AXDND1: variants seen among roughly 807,000 people sequenced by gnomAD.
AXDND1 encodes the protein axonemal dynein light chain domain containing 1.
Under a neutral mutation model 137.5 loss-of-function variants are expected in AXDND1, and 110 were observed. The observed-to-expected ratio is 0.80, with a 90% CI of 0.69 to 0.94. The LOEUF (loss-of-function observed/expected upper bound fraction) is 0.94, where lower values mean the gene tolerates loss of function less well. AXDND1 is among the 40% of genes least tolerant of loss of function. The pLI is 0.00. For missense variants in AXDND1, 1,191 were observed against 1,169.8 expected, an observed-to-expected ratio of 1.02 and a Z score of -0.26; for synonymous variants, 414 against 399.7, an observed-to-expected ratio of 1.04 and a Z score of -0.43.
intron 20 of AXDND1, among the ~76,000 whole-genome samples, chr1:179,498,012 C>T (rs1667625404): frequency 6.6e-6 from 1 of 151,998 alleles, no homozygotes; most frequent in Admixed American, 6.6e-5. Context: ...TCAGAGATGA[C>T]ACAAATTAAT....
intron 20 of AXDND1, among the ~76,000 whole-genome samples, chr1:179,506,577 C>G (rs1012584183): frequency 1.3e-5 from 2 of 152,036 alleles, no homozygotes; most frequent in African/African-American, 4.8e-5. Context: ...ACTGAAAATT[C>G]AAAAATTAGC....
At chr1:179,423,925 G>A (rs1389189220) in intron 12 of AXDND1, among the ~76,000 whole-genome samples, 1 of 152,052 alleles carries the variant, frequency 6.6e-6, no homozygotes, top group East Asian at 1.9e-4. Context: ...TGTCTGTGTA[G>A]ATCATTTTAC....
intron 16 of AXDND1, among the ~76,000 whole-genome samples, chr1:179,465,423 G>C (rs150934055): frequency 1.3e-5 from 2 of 152,244 alleles, no homozygotes; most frequent in Non-Finnish European, 2.9e-5. Context: ...ACCAGCGGAG[G>C]CTGCAGAACA....
intron 23 of AXDND1, among the ~76,000 whole-genome samples, chr1:179,531,594 G>A (rs1301081808): frequency 6.6e-6 from 1 of 152,124 alleles, no homozygotes; most frequent in African/African-American, 2.4e-5. Context: ...TGCTATTCTA[G>A]TAGGGGACGA....
At chr1:179,368,996 A>G in intron 3 of AXDND1, 24 bp downstream of exon 3, 1 of 1,545,834 alleles carries the variant, frequency 6.5e-7, no homozygotes, top group Non-Finnish European at 8.8e-7. Flanking sequence ...TATGTAGAGT[A>G]ATGGGGAACA....
chr1:179,447,106 A>G (rs61821011), intron 16 of AXDND1, among the ~76,000 whole-genome samples: 48,177 of 151,976 alleles, frequency 0.32, 7,940 homozygotes, highest in African/African-American at 0.37. Flanking sequence ...TACTTCATCT[A>G]CAATGTTGCT....
In AXDND1 at chr1:179,430,353, C is replaced by G. The variant is rs981127920; in HGVS notation, c.1333-99C>G. 4.5e-6 allele frequency: 4 copies of G among 889,050 alleles called. No homozygotes were observed. The African/African-American group carries it at 6.8e-5, about 15-fold the overall frequency. The allele number at this position is 889,050 out of a possible 1,614,324, so 55.1% of individuals were successfully genotyped here. On this transcript the variant is annotated intron_variant, in intron 13 of 25. Coordinates refer to ENST00000367618, the MANE Select transcript of AXDND1 (RefSeq NM_144696.6). ...TTTTTAATCAATTTTCTATGAATTT[C>G]TCTAGTATTACAATATTAATAATGG... is the stretch of plus-strand genomic sequence containing the variant.
chr1:179,430,532 AC>A lies in AXDND1; in HGVS notation c.1414del (p.Gln472LysfsTer10), dbSNP rs761676195. On this transcript the variant is annotated frameshift_variant, in exon 14 of 26. Coordinates refer to ENST00000367618, the MANE Select transcript of AXDND1 (RefSeq NM_144696.6). LOFTEE classifies it high-confidence loss of function. ...TGAATAAACTTAAACAAGAGGTAGAACAAATGGAAGAGTCTACAAGCGAGAC... is the reference window on the plus strand; with the variant it reads ...TGAATAAACTTAAACAAGAGGTAGAAAAATGGAAGAGTCTACAAGCGAGAC... The part of the protein sequence containing the change: ...LVNKLKQEVE[Q>X]MEESTSETLK... The A allele has an allele frequency of 6.2e-7, 1 of 1,614,098 alleles. No homozygotes were observed.
At chr1:179,506,055 C>G (rs944134515) in intron 20 of AXDND1, among the ~76,000 whole-genome samples, 1 of 152,156 alleles carries the variant, frequency 6.6e-6, no homozygotes, top group Non-Finnish European at 1.5e-5. Context: ...ATATCAGAGT[C>G]CTGGCATCCA....
At chr1:179,554,483 T>G (rs1447070878) in intron 25 of AXDND1, 29 bp from the exon 26 acceptor site, 4 of 1,614,050 alleles carry the variant, frequency 2.5e-6, no homozygotes, top group Non-Finnish European at 3.4e-6. Flanking sequence ...CACATTTCTA[T>G]TCTCTCCACT....
chr1:179,489,741 C>CTT (rs140787885), intron 18 of AXDND1, among the ~76,000 whole-genome samples: 32 of 101,258 alleles, frequency 3.2e-4, no homozygotes, highest in Middle Eastern at 6.0e-3. Context: ...TACTACTTTT[C>CTT]TTTTTTTTTT....
At chr1:179,494,814 C>G (rs1667284153) in intron 20 of AXDND1, among the ~76,000 whole-genome samples, 1 of 152,058 alleles carries the variant, frequency 6.6e-6, no homozygotes, top group South Asian at 2.1e-4. Flanking sequence ...CCTATGTTTT[C>G]TTCTAGAAGT....
intron 24 of AXDND1, 95 bp downstream of exon 24, chr1:179,533,972 C>A (rs1671276368): frequency 1.9e-6 from 2 of 1,028,684 alleles, no homozygotes; most frequent in East Asian, 5.0e-5. Context: ...CTTTGGCTCT[C>A]CTGCTTTCTT....
rs370825825 is a variant in AXDND1 at position 179,445,106 on chromosome 1, A to G, written c.1700A>G (p.Glu567Gly). The change falls in exon 16 of 26, where the codon GAG becomes GGG. Residue 567 changes from glutamate (E) to glycine (G), a missense_variant. Glu to Gly is a moderately conservative substitution (Grantham distance 98). Transcript: ENST00000367618. Reference protein sequence around the residue: ...LGIFNRHKSLEGEMPSERQYM... With the variant: ...LGIFNRHKSLGGEMPSERQYM... ...ATATTTAATCGGCATAAAAGTTTGG[A>G]GGGGGAGATGCCATCAGAGCGACAG... The G allele has an allele frequency of 5.6e-6, 9 of 1,613,392 alleles. No homozygotes were observed. Among genetic ancestry groups the G allele is most frequent in the Non-Finnish European group, 7.6e-6 (9 of 1,179,584 alleles).
At chr1:179,457,581 T>G (rs1571915589) in intron 16 of AXDND1, among the ~76,000 whole-genome samples, 2 of 152,222 alleles carry the variant, frequency 1.3e-5, no homozygotes, top group South Asian at 4.1e-4. Context: ...ACATTATTAT[T>G]CGTATTTCAT....
chr1:179,524,696 C>T (rs933496158), intron 21 of AXDND1, among the ~76,000 whole-genome samples: 1 of 152,110 alleles, frequency 6.6e-6, no homozygotes, highest in African/African-American at 2.4e-5. Flanking sequence ...CTCTTAAATC[C>T]TCCTTTTCCT....
At position 179,552,693 on chromosome 1, in the gene AXDND1, A is replaced by C. The variant is rs376637418; in HGVS notation, c.3032-1819A>C. 5.3e-5 allele frequency: 85 copies of C among 1,609,424 alleles called. No homozygotes were observed. Among genetic ancestry groups the C allele is most frequent in the Non-Finnish European group, 6.2e-5 (73 of 1,176,092 alleles). Reference sequence around the variant, plus strand: ...ACCTCACATCTTTACTGAAAAAGAAAGAATGCAGGTATGTAGGTGTGCAGC... The same window carrying C: ...ACCTCACATCTTTACTGAAAAAGAACGAATGCAGGTATGTAGGTGTGCAGC... On this transcript the variant is annotated intron_variant, in intron 25 of 25. Transcript: ENST00000367618.
chr1:179,414,076 T>G (rs1452667634), intron 12 of AXDND1, among the ~76,000 whole-genome samples: 1 of 152,032 alleles, frequency 6.6e-6, no homozygotes, highest in African/African-American at 2.4e-5. Flanking sequence ...ATAAGATAAA[T>G]ATACAATTTT....
rs1375632988 is a variant in AXDND1 at position 179,491,560 on chromosome 1, T to A, written c.2114T>A (p.Met705Lys). The change falls in exon 19 of 26, where the codon ATG becomes AAG. Residue 705 changes from methionine (M) to lysine (K), a missense_variant. Coordinates refer to ENST00000367618, the MANE Select transcript of AXDND1 (RefSeq NM_144696.6). Reference protein sequence around the residue: ...QHHMDELHISMIQWMVNLLIL... With the variant: ...QHHMDELHISKIQWMVNLLIL... ...CAGATGGATGAGTTACATATATCTATGATCCAGTGGATGGTAAACTTGCTG... is the reference window on the plus strand; with the variant it reads ...CAGATGGATGAGTTACATATATCTAAGATCCAGTGGATGGTAAACTTGCTG... 1.9e-5 allele frequency: 30 copies of A among 1,608,460 alleles called. No homozygotes were observed. Among genetic ancestry groups the A allele is most frequent in the Non-Finnish European group, 2.3e-5 (27 of 1,175,090 alleles).
Sources: gnomAD v4.1 joint callset for allele counts (sites outside exome capture counted in the v4.1 genomes callset) on GRCh38, gnomAD v4.1.1 for gene constraint, MANE v1.5 for transcripts, NCBI Gene and HGNC (gene_info 2026-07-23, HGNC 2026-07-21) for gene names.